Variants in INPP4A observed in about 807,000 individuals in gnomAD.
INPP4A encodes inositol polyphosphate-4-phosphatase, type I, 107kD.
Under a neutral mutation model 119.8 loss-of-function variants are expected in INPP4A, and 33 were observed. That is an observed-to-expected ratio of 0.28 (90% CI 0.21 to 0.37). INPP4A has a LOEUF of 0.37. INPP4A is among the 10% of genes least tolerant of loss of function. The pLI is 1.00. For missense variants in INPP4A, 956 were observed against 1,289.9 expected (o/e 0.74, Z 3.97); for synonymous variants, 496 against 500.7 (o/e 0.99, Z 0.12).
intron 17 of INPP4A, among the ~76,000 whole-genome samples, chr2:98,560,703 C>A (rs1695320020): frequency 6.6e-6 from 1 of 152,200 alleles, no homozygotes. Context: ...CCACGGCAGG[C>A]CAGTGCCTTC....
chr2:98,562,038 G>A (rs1695564290), intron 17 of INPP4A, among the ~76,000 whole-genome samples: 3 of 152,326 alleles, frequency 2.0e-5, no homozygotes, highest in Non-Finnish European at 4.4e-5. Flanking sequence ...CTGAGGGGTC[G>A]AGGGCCTTGC....
chr2:98,482,764 G>C (rs891136752), intron 1 of INPP4A, among the ~76,000 whole-genome samples: 1 of 152,194 alleles, frequency 6.6e-6, no homozygotes, highest in Admixed American at 6.5e-5. Flanking sequence ...CAAAGCTTTT[G>C]ATCTAAGCTT....
At chr2:98,555,444 C>A in intron 15 of INPP4A, 109 bp from the exon 16 acceptor site, 1 of 1,168,282 alleles carries the variant, frequency 8.6e-7, no homozygotes, top group Non-Finnish European at 1.2e-6. Flanking sequence ...GGTATTTTAA[C>A]AAGTGTGGAA....
intron 1 of INPP4A, among the ~76,000 whole-genome samples, chr2:98,474,880 C>A (rs948273085): frequency 6.6e-6 from 1 of 152,038 alleles, no homozygotes; most frequent in African/African-American, 2.4e-5. Context: ...TTAATAAAAG[C>A]TTATTTGGGG....
chr2:98,577,256 C>A, intron 24 of INPP4A, 113 bp downstream of exon 24: 1 of 1,100,506 alleles, frequency 9.1e-7, no homozygotes, highest in South Asian at 1.8e-5. Context: ...CCCCTTGACT[C>A]CAGCCTTCAC....
At chr2:98,550,169 G>A (rs1162889796) in intron 13 of INPP4A, among the ~76,000 whole-genome samples, 1 of 152,042 alleles carries the variant, frequency 6.6e-6, no homozygotes, top group African/African-American at 2.4e-5. Context: ...ACCCTCCATA[G>A]CCCAATCTGG....
intron 1 of INPP4A, among the ~76,000 whole-genome samples, chr2:98,454,694 A>G (rs1157424248): frequency 2.1e-5 from 3 of 145,288 alleles, no homozygotes; most frequent in Non-Finnish European, 3.0e-5. Flanking sequence ...CAGGGGAAAT[A>G]TCACAGAAGA....
chr2:98,564,837 C>T, intron 19 of INPP4A, 74 bp downstream of exon 19: 3 of 1,464,774 alleles, frequency 2.0e-6, no homozygotes, highest in South Asian at 2.7e-5. Context: ...AGGCACTTTT[C>T]TCACTATACC....
chr2:98,444,782 G>C (rs967496296), upstream of INPP4A: 3 of 152,314 alleles, frequency 2.0e-5, no homozygotes, highest in African/African-American at 7.2e-5. Context: ...GTGGGGCGGG[G>C]GTCGCAGGGC....
intron 1 of INPP4A, among the ~76,000 whole-genome samples, chr2:98,461,667 T>C (rs1697175212): frequency 6.6e-6 from 1 of 152,228 alleles, no homozygotes; most frequent in South Asian, 2.1e-4. Flanking sequence ...ACCAATGCCA[T>C]GTGCTTGTTG....
chr2:98,500,414 A>G (rs762298787), intron 1 of INPP4A, among the ~76,000 whole-genome samples: 1 of 152,112 alleles, frequency 6.6e-6, no homozygotes, highest in Admixed American at 6.5e-5. Context: ...CTCCAGGTCC[A>G]TTGTCTCCCA....
intron 1 of INPP4A, among the ~76,000 whole-genome samples, chr2:98,476,138 TG>T (rs1677158809): frequency 6.6e-6 from 1 of 152,206 alleles, no homozygotes; most frequent in African/African-American, 2.4e-5. Context: ...TTAATTAGAA[TG>T]GGTACATAGG....
chr2:98,471,824 C>T (rs950023720), intron 1 of INPP4A, among the ~76,000 whole-genome samples: 9 of 152,158 alleles, frequency 5.9e-5, no homozygotes, highest in Non-Finnish European at 8.8e-5. Context: ...CCGTGGAGTT[C>T]GGGACTGTAG....
chr2:98,492,716 C>T (rs1558939617), intron 1 of INPP4A, among the ~76,000 whole-genome samples: 2 of 152,188 alleles, frequency 1.3e-5, no homozygotes, highest in Admixed American at 6.5e-5. Context: ...GGGGCCTGTA[C>T]AGGAAGCATA....
At chr2:98,463,430 TG>T (rs1674023072) in intron 1 of INPP4A, among the ~76,000 whole-genome samples, 1 of 152,224 alleles carries the variant, frequency 6.6e-6, no homozygotes, top group South Asian at 2.1e-4. Context: ...CCAACCAAGG[TG>T]CTCTACATCT....
At chr2:98,487,115 C>T (rs1399757148) in intron 1 of INPP4A, among the ~76,000 whole-genome samples, 1 of 152,222 alleles carries the variant, frequency 6.6e-6, no homozygotes, top group East Asian at 1.9e-4. Context: ...CCATATGATA[C>T]CTCCTGCCAG....
At chr2:98,543,670 G>A (rs747808991) in intron 10 of INPP4A, among the ~76,000 whole-genome samples, 5 of 152,204 alleles carry the variant, frequency 3.3e-5, no homozygotes, top group Non-Finnish European at 5.9e-5. Context: ...ACACTGCCAC[G>A]TGGTCAGTGG....
At chr2:98,522,790 A>G (rs1178599989) in intron 4 of INPP4A, among the ~76,000 whole-genome samples, 3 of 152,140 alleles carry the variant, frequency 2.0e-5, no homozygotes, top group Admixed American at 6.5e-5. Context: ...AACAGGTCAT[A>G]CCCAAGGATC....
intron 1 of INPP4A, among the ~76,000 whole-genome samples, chr2:98,455,506 G>A (rs1158580214): frequency 1.3e-5 from 2 of 152,122 alleles, no homozygotes. Context: ...TTTGTGGTTT[G>A]TCCCCAACTT....
Sources: allele counts gnomAD v4.1 joint callset (sites outside exome capture counted in the v4.1 genomes callset), GRCh38; gene constraint gnomAD v4.1.1; transcripts MANE v1.5; gene names NCBI Gene and HGNC (gene_info 2026-07-23, HGNC 2026-07-21).